The following COL6A6 variants were observed in gnomAD, a reference collection of about 807,000 sequenced individuals.
The protein encoded by COL6A6 is collagen alpha-6(VI) chain.
A neutral mutation model predicts 208.6 loss-of-function variants in COL6A6; 183 were observed. The ratio of observed to expected loss-of-function variants is 0.88; its 90% confidence interval spans 0.78 to 0.99. COL6A6 has a LOEUF of 0.99. Among genes scored for constraint, COL6A6 ranks in the 50% least tolerant of loss-of-function variants. COL6A6 has a pLI of 0.00. For synonymous variants in COL6A6, 973 were observed against 1,011.8 expected, an observed-to-expected ratio of 0.96 and a Z score of 0.73; for missense variants, 2,816 against 2,815.2, an observed-to-expected ratio of 1.00 and a Z score of -0.01.
At chr3:130,576,806 T>C (rs1172888759) in intron 8 of COL6A6, among the ~76,000 whole-genome samples, 3 of 152,148 alleles carry the variant, frequency 2.0e-5, no homozygotes, top group Non-Finnish European at 2.9e-5. Flanking sequence ...CATGTACAAA[T>C]ATATTAGGGG....
upstream of COL6A6, among the ~76,000 whole-genome samples, chr3:130,517,018 A>C (rs1020339277): frequency 6.6e-6 from 1 of 152,188 alleles, no homozygotes; most frequent in East Asian, 1.9e-4. Flanking sequence ...GTGGAGCAGT[A>C]ACAGCCTTCA....
At chr3:130,529,687 TCCACAC>T (rs1416368562) in intron 1 of COL6A6, among the ~76,000 whole-genome samples, 1 of 152,144 alleles carries the variant, frequency 6.6e-6, no homozygotes, top group Admixed American at 6.5e-5. Context: ...TCTTTCCTGG[TCCACAC>T]CCAGAGAAGG....
intron 24 of COL6A6, among the ~76,000 whole-genome samples, chr3:130,622,112 T>C (rs2064738627): frequency 6.6e-6 from 1 of 152,086 alleles, no homozygotes; most frequent in East Asian, 1.9e-4. Flanking sequence ...ATACACCCTA[T>C]TGGAGCTGAG....
At chr3:130,523,879 C>T (rs1711226418) in intron 1 of COL6A6, among the ~76,000 whole-genome samples, 1 of 152,230 alleles carries the variant, frequency 6.6e-6, no homozygotes, top group Non-Finnish European at 1.5e-5. Flanking sequence ...TCCAAACAGT[C>T]TTTCTCCTTG....
chr3:130,529,189 A>G (rs1342263867), intron 1 of COL6A6, among the ~76,000 whole-genome samples: 1 of 151,746 alleles, frequency 6.6e-6, no homozygotes, highest in Non-Finnish European at 1.5e-5. Flanking sequence ...AAATGACTCC[A>G]TCTTTTCTTA....
chr3:130,670,388 C>T (rs895623438), intron 36 of COL6A6, among the ~76,000 whole-genome samples: 1 of 152,208 alleles, frequency 6.6e-6, no homozygotes. Context: ...GGGCACAGCA[C>T]TTGGGGTTTA....
intron 28 of COL6A6, among the ~76,000 whole-genome samples, chr3:130,637,319 T>G (rs28623596): frequency 0.37 from 54,963 of 150,420 alleles, 13,152 homozygotes; most frequent in African/African-American, 0.66. Flanking sequence ...GCTTATTAAT[T>G]AAGAAGTTTA....
intron 1 of COL6A6, among the ~76,000 whole-genome samples, chr3:130,532,596 A>T (rs1019234112): frequency 6.6e-6 from 1 of 152,208 alleles, no homozygotes; most frequent in African/African-American, 2.4e-5. Context: ...TGCCTGTGGG[A>T]TGTCTCCACT....
Position 130,662,167 on chromosome 3 carries a change from G to C in COL6A6, c.6361G>C (p.Gly2121Arg). The C allele has an allele frequency of 6.2e-7, 1 of 1,613,932 alleles. No homozygotes were observed. The highest frequency in any genetic ancestry group is 8.5e-7 in the Non-Finnish European group (1 of 1,179,862). ...QGYALFVFSL[G>R]PIWDDKELED... is the part of the protein sequence containing the mutation. Reference sequence around the variant, plus strand: ...ATATGCCTTATTTGTGTTTTCCCTTGGCCCTATTTGGGATGACAAGGAACT... The same window carrying C: ...ATATGCCTTATTTGTGTTTTCCCTTCGCCCTATTTGGGATGACAAGGAACT... The change falls in exon 35 of 37, where the codon GGC becomes CGC. Residue 2121 changes from glycine to arginine, a missense_variant. Coordinates refer to ENST00000358511, the MANE Select transcript of COL6A6 (RefSeq NM_001102608.3).
intron 23 of COL6A6, among the ~76,000 whole-genome samples, chr3:130,611,342 G>A (rs79263312): frequency 0.053 from 8,064 of 152,140 alleles, 238 homozygotes; most frequent in South Asian, 0.056. Flanking sequence ...GCACTTCTAG[G>A]GCATTCCCAG....
intron 26 of COL6A6, among the ~76,000 whole-genome samples, chr3:130,631,329 C>A (rs2065003164): frequency 9.4e-6 from 1 of 106,228 alleles, no homozygotes; most frequent in Admixed American, 1.1e-4. Context: ...GACACATACA[C>A]TCTCCCAAGA....
chr3:130,563,365 C>T lies in COL6A6; in HGVS notation c.362C>T (p.Ala121Val), dbSNP rs781275483. The change falls in exon 3 of 37, where the codon GCA becomes GTA. Residue 121 changes from alanine to valine, a missense_variant. Physicochemically the swap from Ala to Val is moderately conservative, Grantham distance 64 (BLOSUM62 0). Transcript: ENST00000358511. ...LQEAHRTYFS[A>V]PANGRDKKQF... ...GAGGCTCACAGGACTTATTTCTCTG[C>T]ACCCGCAAATGGGAGAGACAAGAAA... 4 of 1,614,002 alleles carry T rather than the reference C, an allele frequency of 2.5e-6. No homozygotes were observed. The highest frequency in any genetic ancestry group is 2.5e-6 in the Non-Finnish European group (3 of 1,179,888).
At position 130,658,699 on chromosome 3, in the gene COL6A6, A is replaced by G. The variant is rs1459949049; in HGVS notation, c.5757A>G (p.Gln1919=). 1 of 1,612,956 alleles carries G rather than the reference A, an allele frequency of 6.2e-7. No homozygotes were observed. Among genetic ancestry groups the G allele is most frequent in the Non-Finnish European group, 8.5e-7 (1 of 1,179,432 alleles). Residue 1919 remains glutamine, a synonymous_variant, in exon 34 of 37, where the codon CAA becomes CAG. Coordinates refer to ENST00000358511, the MANE Select transcript of COL6A6 (RefSeq NM_001102608.3). ...AGATTGACGACACTGGCACATTTCA[A>G]GTAATAGTGGTTCCCTCCGGGGCCG... The part of the protein sequence containing the change: ...AFAIDDTGTF[Q]VIVVPSGADY...
At chr3:130,557,910 A>AT (rs1396147373) in intron 1 of COL6A6, among the ~76,000 whole-genome samples, 2 of 152,188 alleles carry the variant, frequency 1.3e-5, no homozygotes, top group African/African-American at 4.8e-5. Flanking sequence ...AGAGATCTAG[A>AT]TTTTTTAAAA....
intron 20 of COL6A6, among the ~76,000 whole-genome samples, chr3:130,606,661 C>T (rs528546690): frequency 1.3e-5 from 2 of 152,298 alleles, no homozygotes; most frequent in South Asian, 4.1e-4. Context: ...TTATTGACCA[C>T]AGTCTGTTCT....
chr3:130,577,478 C>G (rs912028720), intron 8 of COL6A6, among the ~76,000 whole-genome samples: 1 of 152,212 alleles, frequency 6.6e-6, no homozygotes, highest in Admixed American at 6.5e-5. Context: ...AGGGTTGTAT[C>G]TTTGAAATTG....
At chr3:130,613,466 T>G (rs1048860740) in intron 23 of COL6A6, among the ~76,000 whole-genome samples, 3 of 152,258 alleles carry the variant, frequency 2.0e-5, no homozygotes, top group African/African-American at 7.2e-5. Flanking sequence ...AGCTTTGTTC[T>G]TTTTGCTTAG....
chr3:130,600,630 C>T (rs187650785), intron 20 of COL6A6, among the ~76,000 whole-genome samples: 13 of 152,200 alleles, frequency 8.5e-5, no homozygotes, highest in Non-Finnish European at 1.5e-4. Flanking sequence ...AACCAAACAC[C>T]GCATGTTTTC....
chr3:130,618,641 G>T (rs2064609599), intron 23 of COL6A6, among the ~76,000 whole-genome samples: 1 of 152,064 alleles, frequency 6.6e-6, no homozygotes, highest in Admixed American at 6.5e-5. Flanking sequence ...GATTTATCTG[G>T]GTAACCATTC....
Sources: gnomAD v4.1 joint callset for allele counts (sites outside exome capture counted in the v4.1 genomes callset) on GRCh38, gnomAD v4.1.1 for gene constraint, MANE v1.5 for transcripts, NCBI Gene and HGNC (gene_info 2026-07-23, HGNC 2026-07-21) for gene names.